Variants in FGF12 observed in about 807,000 individuals in gnomAD.
FGF12 encodes fibroblast growth factor 12, also known as fibroblast growth factor 12B.
Under a neutral mutation model 23.6 loss-of-function variants are expected in FGF12, and 14 were observed. The ratio of observed to expected loss-of-function variants is 0.59; its 90% CI spans 0.39 to 0.93. The LOEUF is 0.93. Ranked by LOEUF, FGF12 falls within the 40% of genes least tolerant of loss-of-function variation. FGF12 has a pLI of 0.00. For synonymous variants in FGF12, 62 were observed against 77.3 expected, an observed-to-expected ratio of 0.80 and a Z score of 1.04; for missense variants, 175 against 217.8, an observed-to-expected ratio of 0.80 and a Z score of 1.24.
At chr3:192,357,561 G>A (rs919098254) in intron 3 of FGF12, among the ~76,000 whole-genome samples, 7 of 151,394 alleles carry the variant, frequency 4.6e-5, no homozygotes, top group African/African-American at 9.7e-5. Context: ...GCAACAGAGC[G>A]AGATTCCGTC....
chr3:192,424,519 T>C (rs1267445055), intron 2 of FGF12, among the ~76,000 whole-genome samples: 4 of 152,196 alleles, frequency 2.6e-5, no homozygotes, highest in Non-Finnish European at 4.4e-5. Context: ...CTAATTTCTT[T>C]AATTAGTTCA....
In FGF12 at chr3:192,514,900, GGA is replaced by G; in HGVS notation, c.14-154364_14-154363del. 1.0e-6 allele frequency: 1 copy of G among 984,992 alleles called. No individual in the cohort carries two copies. The highest frequency in any genetic ancestry group is 1.2e-6 in the Non-Finnish European group (1 of 829,606). 61.0% of individuals were successfully genotyped at this position (984,992 alleles called of 1,614,324 possible). ...GGGGAGTTTGCACATGGAGCCGGAG[GGA>G]GCCCGGGCGCCGGCAGGGGGCGGGC... On this transcript the variant is annotated intron_variant, in intron 2 of 5. Transcript: ENST00000445105. This position sits in a 1 kb window ranked among gnomAD's most constrained non-coding sequence, Gnocchi z 4.9.
At chr3:192,634,696 T>C (rs930882948) in intron 2 of FGF12, among the ~76,000 whole-genome samples, 2 of 152,144 alleles carry the variant, frequency 1.3e-5, no homozygotes, top group Admixed American at 6.5e-5. Flanking sequence ...AAATCACTAA[T>C]AAATGAATAA....
intron 4 of FGF12, among the ~76,000 whole-genome samples, chr3:192,302,312 A>C (rs1295291643): frequency 6.6e-6 from 1 of 152,160 alleles, no homozygotes. Context: ...GTTATTAGAA[A>C]ATGCTCAAAT....
chr3:192,570,066 T>C (rs538023368), intron 2 of FGF12, among the ~76,000 whole-genome samples: 1 of 152,266 alleles, frequency 6.6e-6, no homozygotes, highest in East Asian at 1.9e-4. Context: ...CTATAGGTTT[T>C]AATAAATGAG....
chr3:192,294,357 C>T (rs1286681154), intron 4 of FGF12, among the ~76,000 whole-genome samples: 1 of 151,998 alleles, frequency 6.6e-6, no homozygotes, highest in Admixed American at 6.6e-5. Context: ...TTTTGAGAGC[C>T]CTTATGACTT....
At chr3:192,401,958 A>C (rs1720776592) in intron 2 of FGF12, among the ~76,000 whole-genome samples, 1 of 152,226 alleles carries the variant, frequency 6.6e-6, no homozygotes, top group African/African-American at 2.4e-5. Flanking sequence ...CTTGACCAAA[A>C]GCTAGAGGTA....
intron 2 of FGF12, among the ~76,000 whole-genome samples, chr3:192,438,568 C>A (rs1444017730): frequency 6.6e-6 from 1 of 152,120 alleles, no homozygotes; most frequent in Admixed American, 6.6e-5. Flanking sequence ...AGTGAAATCA[C>A]TAATTAATAA....
chr3:192,391,096 C>T lies in FGF12; in HGVS notation c.14-30558G>A, dbSNP rs1435168407. ...GAGTTTATCCAAGGAGAAACCATAG[C>T]CGAGCAAAGAGAAAAGCATGAGCCG... On this transcript the variant is annotated intron_variant, in intron 2 of 5. Coordinates refer to ENST00000445105, the MANE Select transcript of FGF12 (RefSeq NM_004113.6). Among the ~76,000 whole-genome samples, 4 of 152,108 alleles carry T rather than the reference C, an allele frequency of 2.6e-5. No individual in the cohort carries two copies. The East Asian group carries it at 7.7e-4, about 29-fold the overall frequency.
chr3:192,532,411 C>T (rs539366412), intron 2 of FGF12, among the ~76,000 whole-genome samples: 2 of 152,226 alleles, frequency 1.3e-5, no homozygotes, highest in East Asian at 3.9e-4. Flanking sequence ...TTCTTTGTGT[C>T]ATCTATGATT....
At chr3:192,621,156 T>G (rs1046735583) in intron 2 of FGF12, among the ~76,000 whole-genome samples, 1 of 152,286 alleles carries the variant, frequency 6.6e-6, no homozygotes, top group Non-Finnish European at 1.5e-5. Flanking sequence ...AAATGATATG[T>G]GCGCTTTTCC....
rs1250122091 is a variant in FGF12 at position 192,260,868 on chromosome 3, C to T, written c.228+74493G>A. On this transcript the variant is annotated intron_variant, in intron 4 of 5. Transcript: ENST00000445105. ...ATACAGAGACTGAAAGCCTGACCAG[C>T]TGCTTTGATAGCAGAAACAGATAGG... 2.6e-5 allele frequency among the ~76,000 whole-genome samples: 4 copies of T among 152,122 alleles called. No individual in the cohort carries two copies. In the East Asian group the frequency reaches 7.7e-4, roughly 29 times the overall value.
intron 4 of FGF12, among the ~76,000 whole-genome samples, chr3:192,173,721 A>G (rs1238571436): frequency 6.6e-6 from 1 of 152,242 alleles, no homozygotes; most frequent in African/African-American, 2.4e-5. Context: ...TTCAAGCAAT[A>G]CATTCAATGT....
At chr3:192,333,236 C>A (rs1367447886) in intron 4 of FGF12, among the ~76,000 whole-genome samples, 1 of 152,092 alleles carries the variant, frequency 6.6e-6, no homozygotes, top group Non-Finnish European at 1.5e-5. Flanking sequence ...TTTTCTTCTT[C>A]ATGGACCTTT....
chr3:192,561,923 GAA>G (rs371813061), intron 2 of FGF12, among the ~76,000 whole-genome samples: 1 of 141,778 alleles, frequency 7.1e-6, no homozygotes, highest in African/African-American at 2.6e-5. Context: ...AAAAAAGAAA[GAA>G]AAAAAAAAGA....
chr3:192,424,958 G>A (rs927100057), intron 2 of FGF12, among the ~76,000 whole-genome samples: 8 of 152,020 alleles, frequency 5.3e-5, no homozygotes, highest in Non-Finnish European at 8.8e-5. Context: ...TGCATACAAG[G>A]TGAGTTGTCA....
chr3:192,362,206 T>G (rs1036990443), intron 2 of FGF12, among the ~76,000 whole-genome samples: 28 of 152,174 alleles, frequency 1.8e-4, no homozygotes, highest in African/African-American at 6.5e-4. Context: ...AGGGACACAC[T>G]TGGCTAGCTA....
intron 2 of FGF12, among the ~76,000 whole-genome samples, chr3:192,579,946 T>C (rs537542862): frequency 6.6e-6 from 1 of 152,278 alleles, no homozygotes; most frequent in African/African-American, 2.4e-5. Flanking sequence ...CACTCATTCA[T>C]TGAGGTAACG....
intron 3 of FGF12, among the ~76,000 whole-genome samples, chr3:192,338,687 T>C (rs941301924): frequency 6.6e-6 from 1 of 152,198 alleles, no homozygotes; most frequent in Non-Finnish European, 1.5e-5. Context: ...TGTGGAGCAG[T>C]GGCACAAGTC....
Sources: gnomAD v4.1 joint callset for allele counts (sites outside exome capture counted in the v4.1 genomes callset) on GRCh38, gnomAD v4.1.1 for gene constraint, Gnocchi (gnomAD v3.1) non-coding constraint, MANE v1.5 for transcripts, NCBI Gene and HGNC (gene_info 2026-07-23, HGNC 2026-07-21) for gene names.